Variants in SVIL observed in about 807,000 individuals in gnomAD.
SVIL encodes supervillin.
Under a neutral mutation model 240.4 loss-of-function variants are expected in SVIL, and 101 were observed. The observed-to-expected ratio is 0.42, with a 90% confidence interval of 0.36 to 0.50. The LOEUF is 0.50. SVIL is among the 20% of genes least tolerant of loss of function. The probability of loss-of-function intolerance (pLI) is 0.01; values close to 1 mark genes in which losing one functional copy is unlikely to be tolerated. For synonymous variants in SVIL, 999 were observed against 1,100.0 expected (o/e 0.91, Z 1.82); for missense variants, 2,512 against 2,818.7 (o/e 0.89, Z 2.46).
At chr10:29,536,803 C>T (rs529842306) in intron 6 of SVIL, among the ~76,000 whole-genome samples, 19 of 149,002 alleles carry the variant, frequency 1.3e-4, no homozygotes, top group South Asian at 4.3e-4. Flanking sequence ...TCCAGCTACT[C>T]GGGAAGCTGA....
intron 3 of SVIL, among the ~76,000 whole-genome samples, chr10:29,643,687 TTCTG>T (rs1262188095): frequency 5.9e-4 from 90 of 152,264 alleles, no homozygotes; most frequent in African/African-American, 2.1e-3. Context: ...GAGTCTGTCT[TTCTG>T]TCTGTCTGGT....
intron 1 of SVIL, among the ~76,000 whole-genome samples, chr10:29,687,309 T>C (rs1961146737): frequency 6.6e-6 from 1 of 152,230 alleles, no homozygotes; most frequent in Non-Finnish European, 1.5e-5. Context: ...CATAATTGAT[T>C]CTTCCTTTAT....
intron 5 of SVIL, among the ~76,000 whole-genome samples, chr10:29,553,291 C>G (rs1374681456): frequency 6.6e-6 from 1 of 152,106 alleles, no homozygotes; most frequent in Non-Finnish European, 1.5e-5. Flanking sequence ...TAAAAAGCAG[C>G]AGCATGGCCG....
intron 1 of SVIL, among the ~76,000 whole-genome samples, chr10:29,628,276 C>A (rs867354065): frequency 7.9e-5 from 12 of 151,992 alleles, no homozygotes; most frequent in Admixed American, 3.9e-4. Flanking sequence ...TTGGCTGGAG[C>A]GGTTTGTTTG....
At chr10:29,596,679 C>T (rs1956604410) in intron 1 of SVIL, among the ~76,000 whole-genome samples, 1 of 152,208 alleles carries the variant, frequency 6.6e-6, no homozygotes, top group African/African-American at 2.4e-5. Flanking sequence ...GTTACTTTCT[C>T]ATGTATGGAA....
At chr10:29,619,287 C>G (rs904753999) in intron 1 of SVIL, among the ~76,000 whole-genome samples, 1 of 152,176 alleles carries the variant, frequency 6.6e-6, no homozygotes, top group Non-Finnish European at 1.5e-5. Context: ...TTGTGACTCC[C>G]TGCGGATGCG....
chr10:29,701,544 TA>T (rs1962515761), intron 1 of SVIL, among the ~76,000 whole-genome samples: 1 of 152,132 alleles, frequency 6.6e-6, no homozygotes, highest in Non-Finnish European at 1.5e-5. Flanking sequence ...AATAAGGAAG[TA>T]ACAGGGAAAA....
chr10:29,545,959 C>T (rs1194977212), intron 6 of SVIL, among the ~76,000 whole-genome samples: 1 of 150,648 alleles, frequency 6.6e-6, no homozygotes, highest in Non-Finnish European at 1.5e-5. Context: ...TCCCTGAGAA[C>T]AGAGAGTGAT....
chr10:29,599,427 T>C (rs1956728404), intron 1 of SVIL, among the ~76,000 whole-genome samples: 1 of 152,118 alleles, frequency 6.6e-6, no homozygotes, highest in Admixed American at 6.6e-5. Flanking sequence ...TTAAAACTTT[T>C]TTTTTTGAGA....
intron 1 of SVIL, among the ~76,000 whole-genome samples, chr10:29,576,771 C>T (rs571378533): frequency 1.4e-4 from 22 of 152,366 alleles, no homozygotes; most frequent in African/African-American, 5.3e-4. Context: ...ATCTCCAGCT[C>T]CTGGCCTCAA....
chr10:29,581,883 T>G (rs765809905), intron 1 of SVIL, among the ~76,000 whole-genome samples: 1 of 152,114 alleles, frequency 6.6e-6, no homozygotes, highest in African/African-American at 2.4e-5. Flanking sequence ...TATTCGGCCT[T>G]AAAAAGGAAG....
chr10:29,473,908 T>G lies in SVIL; in HGVS notation c.5459A>C (p.His1820Pro), dbSNP rs1206303308. 1 of 1,613,664 alleles carries G rather than the reference T, an allele frequency of 6.2e-7. No homozygotes were observed. Residue 1820 changes from histidine (H) to proline (P), a missense_variant, in exon 30 of 38, where the codon CAC (histidine) becomes CCC (proline). By Grantham distance (77) the His-to-Pro change is moderately conservative. Coordinates refer to ENST00000355867, the MANE Select transcript of SVIL (RefSeq NM_021738.3). ...KCVYFFWQGR[H>P]STVSEKGTSA... ...CGTGCCCTTCTCACTCACGGTGGAG[T>G]GCCGGCCTTGCCAGAAGAAGTAGAC...
chr10:29,608,379 C>T (rs186416521), intron 1 of SVIL, among the ~76,000 whole-genome samples: 1 of 152,350 alleles, frequency 6.6e-6, no homozygotes, highest in African/African-American at 2.4e-5. Flanking sequence ...GAAGCCATGG[C>T]TGGGATTGTG....
chr10:29,703,788 G>C (rs1028504476), intron 1 of SVIL, among the ~76,000 whole-genome samples: 1 of 152,198 alleles, frequency 6.6e-6, no homozygotes, highest in African/African-American at 2.4e-5. Context: ...CAAAGTCCCT[G>C]TCAGGTGGGC....
At chr10:29,511,915 G>C (rs1225663648) in intron 17 of SVIL, among the ~76,000 whole-genome samples, 3 of 152,300 alleles carry the variant, frequency 2.0e-5, no homozygotes, top group East Asian at 3.9e-4. Flanking sequence ...ACTTATTTTA[G>C]AGCTAGAAGG....
intron 7 of SVIL, among the ~76,000 whole-genome samples, chr10:29,533,932 G>A (rs1951562039): frequency 6.6e-6 from 1 of 152,214 alleles, no homozygotes. Flanking sequence ...GTCTGAAAAT[G>A]TAAGAGCACT....
intron 1 of SVIL, among the ~76,000 whole-genome samples, chr10:29,625,618 C>A (rs1192422927): frequency 6.6e-6 from 1 of 152,146 alleles, no homozygotes; most frequent in African/African-American, 2.4e-5. Context: ...TGCCCACCAC[C>A]ATGCCCGATA....
At chr10:29,546,472 A>G (rs4749445) in intron 6 of SVIL, among the ~76,000 whole-genome samples, 63,534 of 152,048 alleles carry the variant, frequency 0.42, 13,345 homozygotes, top group East Asian at 0.44. Flanking sequence ...ACTATTTTTT[A>G]AAAAATCTTC....
chr10:29,492,044 A>C (rs940820401), intron 21 of SVIL, among the ~76,000 whole-genome samples: 4 of 152,212 alleles, frequency 2.6e-5, no homozygotes, highest in African/African-American at 9.6e-5. Context: ...AGTTAAGAGC[A>C]GATGGATGTG....
Sources: allele counts gnomAD v4.1 joint callset (sites outside exome capture counted in the v4.1 genomes callset), GRCh38; gene constraint gnomAD v4.1.1; transcripts MANE v1.5; gene names NCBI Gene and HGNC (gene_info 2026-07-23, HGNC 2026-07-21).